Variants in TOP6BL observed in about 807,000 individuals in gnomAD.
The protein encoded by TOP6BL is TOP6B like initiator of meiotic double strand breaks.
At chr11:66,800,762 T>C in the TOP6BL span, 4 of 1,364,118 alleles carry the variant, frequency 2.9e-6, no homozygotes, top group Non-Finnish European at 4.0e-6. Context: ...GCTATTATTG[T>C]CCTATTTCCA....
the TOP6BL span, among the ~76,000 whole-genome samples, chr11:66,770,683 G>A: frequency 2.0e-5 from 3 of 152,140 alleles, no homozygotes; most frequent in Non-Finnish European, 4.4e-5. Context: ...CAGCCTGGGT[G>A]ACAGAGCCAG....
the TOP6BL span, among the ~76,000 whole-genome samples, chr11:66,842,675 C>T: frequency 6.6e-6 from 1 of 152,174 alleles, no homozygotes; most frequent in Non-Finnish European, 1.5e-5. Context: ...TCTGCAGCCT[C>T]GGGCTGCTCC....
chr11:66,762,179 T>G, the TOP6BL span: 1 of 752,232 alleles, frequency 1.3e-6, no homozygotes, highest in Non-Finnish European at 2.4e-6. Flanking sequence ...CAAAGCTTTG[T>G]CTCCTTCGCA....
At chr11:66,771,229 G>A in the TOP6BL span, 5 of 150,898 alleles carry the variant, frequency 3.3e-5, no homozygotes, top group Admixed American at 2.0e-4. Flanking sequence ...TGAACTCTTA[G>A]GCTCAAGCAA....
At chr11:66,809,030 C>T in the TOP6BL span, among the ~76,000 whole-genome samples, 79 of 152,228 alleles carry the variant, frequency 5.2e-4, 1 homozygote, top group Middle Eastern at 3.4e-3. Context: ...CTGCAAGCTC[C>T]GCCTCCCGGG....
chr11:66,758,831 A>G, the TOP6BL span, among the ~76,000 whole-genome samples: 1 of 152,184 alleles, frequency 6.6e-6, no homozygotes, highest in South Asian at 2.1e-4. Context: ...AATACTTGCT[A>G]TTCGGTTATC....
chr11:66,753,599 G>T, the TOP6BL span, among the ~76,000 whole-genome samples: 1 of 151,416 alleles, frequency 6.6e-6, no homozygotes, highest in African/African-American at 2.4e-5. Context: ...GTAGAGACGG[G>T]TTTTCACCGT....
At chr11:66,762,168 T>C in the TOP6BL span, 1 of 806,398 alleles carries the variant, frequency 1.2e-6, no homozygotes, top group Non-Finnish European at 2.2e-6. Flanking sequence ...AGGAAATCAA[T>C]CAAAGCTTTG....
the TOP6BL span, among the ~76,000 whole-genome samples, chr11:66,755,429 C>T: frequency 5.9e-5 from 9 of 152,098 alleles, no homozygotes; most frequent in Admixed American, 5.9e-4. Context: ...CCTGTAGTGT[C>T]TAGATTTTTA....
chr11:66,766,943 G>A, the TOP6BL span, among the ~76,000 whole-genome samples: 1 of 152,066 alleles, frequency 6.6e-6, no homozygotes, highest in Non-Finnish European at 1.5e-5. Flanking sequence ...TAATTCTCCA[G>A]CGTTAAAAAT....
At chr11:66,833,497 A>G in the TOP6BL span, among the ~76,000 whole-genome samples, 1 of 152,188 alleles carries the variant, frequency 6.6e-6, no homozygotes, top group Non-Finnish European at 1.5e-5. Flanking sequence ...ACAGCCATCC[A>G]CATCTTCAGC....
chr11:66,796,127 T>C, the TOP6BL span: 1 of 590,768 alleles, frequency 1.7e-6, no homozygotes. Context: ...GATTTTCTTT[T>C]GCATACAATT....
chr11:66,821,583 G>C, the TOP6BL span: 1 of 1,524,462 alleles, frequency 6.6e-7, no homozygotes. Flanking sequence ...ACTAGCTTTT[G>C]CAGATGCACA....
chr11:66,800,752 G>T, the TOP6BL span: 2 of 1,414,080 alleles, frequency 1.4e-6, no homozygotes, highest in African/African-American at 2.9e-5. Flanking sequence ...ATTTTTCTCA[G>T]CTATTATTGT....
At chr11:66,746,935 A>G in the TOP6BL span, among the ~76,000 whole-genome samples, 1 of 151,704 alleles carries the variant, frequency 6.6e-6, no homozygotes, top group African/African-American at 2.4e-5. Flanking sequence ...TCTCGAATAA[A>G]TGTGTTTTTT....
the TOP6BL span, among the ~76,000 whole-genome samples, chr11:66,764,429 G>A: frequency 6.7e-6 from 1 of 150,346 alleles, no homozygotes; most frequent in African/African-American, 2.5e-5. Context: ...CTAGGCGGGC[G>A]GATCACAAGG....
chr11:66,789,259 T>G, the TOP6BL span, among the ~76,000 whole-genome samples: 4 of 152,290 alleles, frequency 2.6e-5, no homozygotes, highest in African/African-American at 9.6e-5. Flanking sequence ...TACATTTTTA[T>G]TAGTTTGGTT....
the TOP6BL span, among the ~76,000 whole-genome samples, chr11:66,791,237 A>G: frequency 3.3e-5 from 5 of 152,312 alleles, no homozygotes; most frequent in African/African-American, 9.6e-5. Flanking sequence ...GACTGAGGAA[A>G]GTTTCATTTA....
chr11:66,758,229 T>G, the TOP6BL span: 1 of 662,324 alleles, frequency 1.5e-6, no homozygotes, highest in Non-Finnish European at 1.9e-6. Flanking sequence ...TAATTATTGC[T>G]CTAAAATTTC....
Sources: gnomAD v4.1 joint callset for allele counts (sites outside exome capture counted in the v4.1 genomes callset) on GRCh38, gnomAD v4.1.1 for gene constraint, MANE v1.5 for transcripts, NCBI Gene and HGNC (gene_info 2026-07-23, HGNC 2026-07-21) for gene names.